Variants in GALNT13 observed in about 807,000 individuals in gnomAD.
GALNT13 encodes the protein polypeptide N-acetylgalactosaminyltransferase 13.
GALNT13 carries 28 observed loss-of-function variants against 64.2 expected under a neutral mutation model. The observed-to-expected ratio is 0.44, with a 90% CI of 0.32 to 0.60. The LOEUF is 0.60. Among genes scored for constraint, GALNT13 ranks in the 20% least tolerant of loss-of-function variants. The pLI is 0.05. For synonymous variants in GALNT13, 214 were observed against 224.6 expected, an observed-to-expected ratio of 0.95 and a Z score of 0.42; for missense variants, 577 against 669.8, an observed-to-expected ratio of 0.86 and a Z score of 1.53.
intron 3 of GALNT13, among the ~76,000 whole-genome samples, chr2:153,985,610 A>T (rs1558890189): frequency 6.6e-6 from 1 of 152,032 alleles, no homozygotes; most frequent in Non-Finnish European, 1.5e-5. Context: ...ATAAATAATT[A>T]TAGGAAAACA....
the GALNT13 span, among the ~76,000 whole-genome samples, chr2:153,834,721 A>G: frequency 6.6e-6 from 1 of 152,004 alleles, no homozygotes; most frequent in Non-Finnish European, 1.5e-5. Context: ...GTACACATTG[A>G]TTTTCTTTTT....
the GALNT13 span, among the ~76,000 whole-genome samples, chr2:153,685,911 A>G: frequency 6.6e-6 from 1 of 152,016 alleles, no homozygotes; most frequent in Non-Finnish European, 1.5e-5. Context: ...TACCTTCCTC[A>G]TTGCTTGTTT....
intron 8 of GALNT13, 94 bp downstream of exon 8, chr2:154,259,232 C>CATCACTCAGCAAAAA: frequency 1.3e-6 from 1 of 740,796 alleles, no homozygotes; most frequent in Non-Finnish European, 2.3e-6. Context: ...ATCATTTTTG[C>CATCACTCAGCAAAAA]TGAGTGATGC....
At chr2:153,309,766 T>G in the GALNT13 span, among the ~76,000 whole-genome samples, 1 of 152,182 alleles carries the variant, frequency 6.6e-6, no homozygotes, top group South Asian at 2.1e-4. Context: ...ATAGTATAAT[T>G]TGTAGTTTTA....
intron 9 of GALNT13, among the ~76,000 whole-genome samples, chr2:154,322,830 C>T (rs930726535): frequency 6.6e-6 from 1 of 152,110 alleles, no homozygotes; most frequent in Non-Finnish European, 1.5e-5. Flanking sequence ...TAAAGTCCCT[C>T]AGTGGTATTC....
intron 10 of GALNT13, among the ~76,000 whole-genome samples, chr2:154,397,496 T>A (rs1451559532): frequency 6.6e-6 from 1 of 152,176 alleles, no homozygotes; most frequent in Non-Finnish European, 1.5e-5. Flanking sequence ...GTAAACATAT[T>A]CTTAGATTTA....
chr2:153,817,601 A>T, the GALNT13 span, among the ~76,000 whole-genome samples: 1 of 152,100 alleles, frequency 6.6e-6, no homozygotes, highest in Non-Finnish European at 1.5e-5. Flanking sequence ...CCACTTGCTG[A>T]TACTGTTTTT....
the GALNT13 span, among the ~76,000 whole-genome samples, chr2:153,726,733 G>T: frequency 6.6e-6 from 1 of 152,042 alleles, no homozygotes; most frequent in African/African-American, 2.4e-5. Flanking sequence ...AAGGTCAGGA[G>T]ATCAAGACCA....
At chr2:153,600,865 A>T in the GALNT13 span, among the ~76,000 whole-genome samples, 5 of 152,018 alleles carry the variant, frequency 3.3e-5, no homozygotes, top group African/African-American at 1.2e-4. Context: ...TTCTAAATAT[A>T]GCTGTATCTA....
the GALNT13 span, among the ~76,000 whole-genome samples, chr2:153,693,144 A>G: frequency 2.6e-5 from 4 of 152,212 alleles, no homozygotes; most frequent in Admixed American, 1.3e-4. Context: ...GAGAGAGTAT[A>G]GGTTACTCTG....
chr2:153,960,700 C>G (rs1007048237), intron 3 of GALNT13, among the ~76,000 whole-genome samples: 1 of 152,144 alleles, frequency 6.6e-6, no homozygotes, highest in African/African-American at 2.4e-5. Flanking sequence ...GTGAAAGCTT[C>G]TTTTTACCTG....
At chr2:153,117,736 C>T in the GALNT13 span, among the ~76,000 whole-genome samples, 2 of 152,114 alleles carry the variant, frequency 1.3e-5, no homozygotes, top group South Asian at 4.1e-4. Context: ...CTGTAGACAC[C>T]TCACACTTCA....
At chr2:153,684,569 T>G in the GALNT13 span, among the ~76,000 whole-genome samples, 1 of 151,768 alleles carries the variant, frequency 6.6e-6, no homozygotes, top group Non-Finnish European at 1.5e-5. Context: ...TTGGCCACAA[T>G]GATTCTCTCA....
the GALNT13 span, among the ~76,000 whole-genome samples, chr2:153,277,190 A>C: frequency 6.6e-6 from 1 of 152,118 alleles, no homozygotes; most frequent in African/African-American, 2.4e-5. Flanking sequence ...GCAGATTTTC[A>C]ATCCTTCCCC....
chr2:153,571,952 A>C, the GALNT13 span, among the ~76,000 whole-genome samples: 151,782 of 151,946 alleles, frequency 1, 75,811 homozygotes, highest in Middle Eastern at 1. Flanking sequence ...CAGGGTAATA[A>C]TTGCCTTATA....
At chr2:153,172,415 G>A in the GALNT13 span, among the ~76,000 whole-genome samples, 9 of 152,256 alleles carry the variant, frequency 5.9e-5, no homozygotes, top group East Asian at 1.7e-3. Context: ...TGATTGCAGG[G>A]ATGAAGAGAC....
chr2:154,140,116 T>C (rs889350254), intron 3 of GALNT13, among the ~76,000 whole-genome samples: 1 of 152,128 alleles, frequency 6.6e-6, no homozygotes, highest in Non-Finnish European at 1.5e-5. Flanking sequence ...TCTTAATGTT[T>C]AGTCATCATA....
chr2:153,106,087 C>T, the GALNT13 span, among the ~76,000 whole-genome samples: 2 of 152,138 alleles, frequency 1.3e-5, no homozygotes, highest in Admixed American at 1.3e-4. Flanking sequence ...CCCACAGACA[C>T]TCAGAAGGGT....
chr2:154,353,922 T>C (rs753682204), intron 9 of GALNT13, among the ~76,000 whole-genome samples: 1 of 152,200 alleles, frequency 6.6e-6, no homozygotes, highest in Non-Finnish European at 1.5e-5. Flanking sequence ...TTCAGATATA[T>C]ATCAAGAAGA....
Sources: allele counts gnomAD v4.1 joint callset (sites outside exome capture counted in the v4.1 genomes callset), GRCh38; gene constraint gnomAD v4.1.1; transcripts MANE v1.5; gene names NCBI Gene and HGNC (gene_info 2026-07-23, HGNC 2026-07-21).